ABCG1: variants seen among roughly 807,000 people sequenced by gnomAD.
The protein encoded by ABCG1 is ATP binding cassette subfamily G member 1.
ABCG1 carries 29 observed loss-of-function variants against 69.2 expected under a neutral mutation model. That is an observed-to-expected ratio of 0.42 (90% CI 0.31 to 0.57). The LOEUF (loss-of-function observed/expected upper bound fraction) is 0.57. Among genes scored for constraint, ABCG1 ranks in the 20% least tolerant of loss-of-function variants. The probability of loss-of-function intolerance (pLI) is 0.15; values close to 1 mark genes in which losing one functional copy is unlikely to be tolerated. For missense variants in ABCG1, 718 were observed against 898.1 expected, an observed-to-expected ratio of 0.80 and a Z score of 2.56; for synonymous variants, 370 against 374.8, an observed-to-expected ratio of 0.99 and a Z score of 0.15.
At chr21:42,201,839 T>A in intron 2 of ABCG1, 2 of 1,574,862 alleles carry the variant, frequency 1.3e-6, no homozygotes, top group South Asian at 2.3e-5. Flanking sequence ...TGGTGTGGGC[T>A]GTGGGAGCTC....
intron 14 of ABCG1, among the ~76,000 whole-genome samples, chr21:42,295,700 A>G (rs1254317750): frequency 6.6e-6 from 1 of 152,266 alleles, no homozygotes; most frequent in Non-Finnish European, 1.5e-5. Flanking sequence ...CTATGAAATC[A>G]GAAACCGACG....
At position 42,276,493 on chromosome 21, in the gene ABCG1, C is replaced by T. The variant is rs2068712964; in HGVS notation, c.538-402C>T. The T allele has an allele frequency of 5.4e-6, 1 of 183,650 alleles. No homozygotes were observed. The highest frequency in any genetic ancestry group is 2.3e-5 in the African/African-American group (1 of 42,722). The allele number at this position is 183,650 out of a possible 1,614,324, so 11.4% of individuals were successfully genotyped here. On this transcript the variant is annotated intron_variant, in intron 4 of 14. Transcript: ENST00000398449. The surrounding 1 kb of genome is among the most constrained non-coding windows in gnomAD (Gnocchi z 5.3). ...ACAGCAGAGAATTCAACTGAGATAG[C>T]AGGAAGCATCGCACATGGACTGCTC...
chr21:42,293,880 C>T (rs2069147289), intron 13 of ABCG1, among the ~76,000 whole-genome samples: 1 of 151,284 alleles, frequency 6.6e-6, no homozygotes, highest in Non-Finnish European at 1.5e-5. Context: ...CCACACCACA[C>T]ACCACACACT....
chr21:42,284,487 G>A lies in ABCG1; in HGVS notation c.735-73G>A. 5 of 1,567,100 alleles carry A rather than the reference G, an allele frequency of 3.2e-6. No homozygotes were observed. In the Admixed American group the frequency reaches 7.0e-5, roughly 22 times the overall value. On this transcript the variant is annotated intron_variant, in intron 6 of 14. Coordinates refer to ENST00000398449, the MANE Select transcript of ABCG1 (RefSeq NM_016818.3). ...AAGCCCTCTGGGACAGGAACTCCCT[G>A]GACCCCCGGAACCTGGGGCAGTGGC... is the stretch of plus-strand genomic sequence containing the variant.
At position 42,291,358 on chromosome 21, in the gene ABCG1, G is replaced by A. The variant is rs1469311079; in HGVS notation, c.1495-140G>A. 3.2e-5 allele frequency: 40 copies of A among 1,258,294 alleles called. No individual in the cohort carries two copies. In the East Asian group the frequency reaches 9.3e-4, roughly 29 times the overall value. 77.9% of individuals were successfully genotyped at this position (1,258,294 alleles called of 1,614,324 possible). ...CCTGACTTCGGGAGCTGTGGCGGGA[G>A]CTGTGGGGAGTGGGGAAGGACCCGA... On this transcript the variant is annotated intron_variant, in intron 12 of 14. Transcript: ENST00000398449. The surrounding 1 kb of genome is among the most constrained non-coding windows in gnomAD (Gnocchi z 6.4).
Position 42,294,501 on chromosome 21 carries a change from G to A in ABCG1, c.1654-41G>A, listed in dbSNP as rs368062593. On this transcript the variant is annotated intron_variant, in intron 13 of 14. Coordinates refer to ENST00000398449, the MANE Select transcript of ABCG1 (RefSeq NM_016818.3). ...AGCCTCCTCTGCAGGAGGCCAGGCTGCAGGTTCTGCTACATCTGTCCTGTG... is the reference window on the plus strand; with the variant it reads ...AGCCTCCTCTGCAGGAGGCCAGGCTACAGGTTCTGCTACATCTGTCCTGTG... The A allele has an allele frequency of 9.8e-6, 15 of 1,531,752 alleles. No homozygotes were observed. The African/African-American group carries it at 1.9e-4, about 20-fold the overall frequency. The allele number at this position is 1,531,752 out of a possible 1,614,324, so 94.9% of individuals were successfully genotyped here.
upstream of ABCG1, among the ~76,000 whole-genome samples, chr21:42,217,932 G>A (rs1025893490): frequency 2.6e-5 from 4 of 152,010 alleles, no homozygotes; most frequent in African/African-American, 9.7e-5. Flanking sequence ...ACCTCCCAAA[G>A]TGGTGGGATT....
chr21:42,213,460 T>A (rs1330790454), upstream of ABCG1, among the ~76,000 whole-genome samples: 1 of 152,254 alleles, frequency 6.6e-6, no homozygotes, highest in Non-Finnish European at 1.5e-5. Flanking sequence ...GGCAGAGAAC[T>A]GCCACAGGGG....
intron 2 of ABCG1, among the ~76,000 whole-genome samples, chr21:42,243,447 CGTGTGTGTGTGTGTGTGT>C (rs869095111): frequency 3.7e-5 from 3 of 81,512 alleles, no homozygotes; most frequent in East Asian, 7.3e-4. Context: ...TGTGTGTGCG[CGTGTGTGTGTGTGTGTGT>C]GTGTGTGTGT....
Position 42,282,283 on chromosome 21 carries a change from A to T in ABCG1, c.598A>T (p.Ile200Leu), listed in dbSNP as rs1379333627. 6.2e-7 allele frequency: 1 copy of T among 1,611,940 alleles called. No individual in the cohort carries two copies. Among genetic ancestry groups the T allele is most frequent in the Admixed American group, 1.7e-5 (1 of 59,972 alleles). The change falls in exon 6 of 15, where the codon ATA becomes TTA. Residue 200 changes from isoleucine (I) to leucine (L), a missense_variant. Ile to Leu is a conservative substitution (Grantham distance 5). This residue lies in a region of ABCG1 where 514 missense variants were observed against 574.3 expected (regional missense o/e 0.90). Transcript: ENST00000398449. Reference sequence around the variant, plus strand: ...GTTCTGTTGCCCCCAGGTCAAGGAGATACTGACAGCGCTGGGCTTGCTGTC... The same window carrying T: ...GTTCTGTTGCCCCCAGGTCAAGGAGTTACTGACAGCGCTGGGCTTGCTGTC... ...DEGRREMVKEILTALGLLSCA... is the reference protein window; with the variant it reads ...DEGRREMVKELLTALGLLSCA...
chr21:42,202,461 C>T (rs1272536807), intron 2 of ABCG1, among the ~76,000 whole-genome samples: 3 of 152,058 alleles, frequency 2.0e-5, no homozygotes, highest in Non-Finnish European at 4.4e-5. Context: ...GCAGTGAAAA[C>T]CGGGGGCCGG....
intron 2 of ABCG1, among the ~76,000 whole-genome samples, chr21:42,254,877 T>C (rs1176612498): frequency 1.3e-5 from 2 of 152,218 alleles, no homozygotes; most frequent in African/African-American, 2.4e-5. Flanking sequence ...GTAGCGCAGC[T>C]GGGCTCATCC....
intron 3 of ABCG1, among the ~76,000 whole-genome samples, chr21:42,271,501 C>G (rs1366602357): frequency 6.7e-6 from 1 of 150,202 alleles, no homozygotes; most frequent in East Asian, 1.9e-4. Context: ...TTGGAGAGAA[C>G]AGGAGTGAAT....
chr21:42,293,582 C>T (rs1243175401), intron 13 of ABCG1, among the ~76,000 whole-genome samples: 2 of 143,796 alleles, frequency 1.4e-5, no homozygotes, highest in Non-Finnish European at 3.1e-5. Flanking sequence ...CCACACACTA[C>T]ACACATACCA....
upstream of ABCG1, among the ~76,000 whole-genome samples, chr21:42,213,414 G>T (rs981923852): frequency 2.6e-5 from 4 of 152,276 alleles, no homozygotes; most frequent in Non-Finnish European, 5.9e-5. Flanking sequence ...ACTCCATCTG[G>T]ATTTCAGAGG....
chr21:42,255,976 TC>T, intron 2 of ABCG1: 1 of 338,534 alleles, frequency 3.0e-6, no homozygotes, highest in Non-Finnish European at 5.2e-6. Context: ...TCTCTTTGTG[TC>T]CCCCAGAGTG....
At chr21:42,290,002 G>C (rs367935026) in intron 10 of ABCG1, 48 bp from the exon 11 acceptor site, 2 of 1,613,140 alleles carry the variant, frequency 1.2e-6, no homozygotes, top group Non-Finnish European at 1.7e-6. Context: ...TCTCTGAGCC[G>C]AGGACGGCTT....
chr21:42,224,052 G>A (rs957500010), intron 1 of ABCG1, among the ~76,000 whole-genome samples: 8 of 152,198 alleles, frequency 5.3e-5, no homozygotes, highest in South Asian at 2.1e-4. Context: ...CGGGGGTCAC[G>A]TGGCAGAGCC....
chr21:42,201,724 G>A lies in ABCG1; in HGVS notation c.48+1G>A, dbSNP rs573470149. On this transcript the variant is annotated splice_donor_variant, in intron 2 of 15. Coordinates refer to the ABCG1 transcript ENST00000398457. LOFTEE classifies it high-confidence loss of function. ...AAAACAGAGAAAGCCCTGCCCTCAG[G>A]TGTGGTCAGAAGAGACAGGGAAGGA... 3.3e-5 allele frequency: 53 copies of A among 1,613,776 alleles called. No homozygotes were observed. Among genetic ancestry groups the A allele is most frequent in the Middle Eastern group, 1.6e-4 (1 of 6,080 alleles).
Sources: allele counts gnomAD v4.1 joint callset (sites outside exome capture counted in the v4.1 genomes callset), GRCh38; gene constraint gnomAD v4.1.1; regional missense constraint gnomAD v4.1.1; non-coding constraint Gnocchi (gnomAD v3.1); transcripts MANE v1.5; gene names NCBI Gene and HGNC (gene_info 2026-07-23, HGNC 2026-07-21).